Variants in TMEM41B observed in about 807,000 individuals in gnomAD.
TMEM41B encodes transmembrane protein 41B.
A neutral mutation model predicts 31.9 loss-of-function variants in TMEM41B; 18 were observed. The observed-to-expected ratio is 0.56, with a 90% confidence interval of 0.39 to 0.84. The LOEUF is 0.84. Ranked by LOEUF, TMEM41B falls within the 40% of genes least tolerant of loss-of-function variation. TMEM41B has a pLI of 0.00. For missense variants in TMEM41B, 322 were observed against 348.0 expected (o/e 0.93, Z 0.59); for synonymous variants, 144 against 124.3 (o/e 1.16, Z -1.05).
chr11:9,284,510 C>A (rs1316069744), intron 6 of TMEM41B, among the ~76,000 whole-genome samples: 1 of 152,100 alleles, frequency 6.6e-6, no homozygotes, highest in African/African-American at 2.4e-5. Context: ...TACGTGTAAT[C>A]CCAGCACCCT....
intron 6 of TMEM41B, among the ~76,000 whole-genome samples, chr11:9,284,666 G>A (rs942851396): frequency 6.6e-6 from 1 of 151,936 alleles, no homozygotes; most frequent in Non-Finnish European, 1.5e-5. Context: ...GGGAGGCTGA[G>A]GCAAAAGAAT....
intron 2 of TMEM41B, among the ~76,000 whole-genome samples, chr11:9,298,431 C>T (rs1275398519): frequency 6.7e-6 from 1 of 148,462 alleles, no homozygotes; most frequent in East Asian, 2.0e-4. Flanking sequence ...TGCACTCCAG[C>T]CTGGGCAACT....
intron 1 of TMEM41B, among the ~76,000 whole-genome samples, chr11:9,309,525 C>CTTTTTTTTTTTTTTTTTTTTTTTT (rs1554945200): frequency 6.7e-6 from 1 of 150,030 alleles, no homozygotes; most frequent in Non-Finnish European, 1.5e-5. Flanking sequence ...GAGCTTCCTT[C>CTTTTTTTTTTTTTTTTTTTTTTTT]TTTCTGTAAG....
Position 9,299,844 on chromosome 11 carries a change from G to A in TMEM41B, c.122-143C>T, listed in dbSNP as rs530485472. The A allele has an allele frequency of 3.5e-4, 227 of 657,296 alleles. 4 individuals carry two copies. In the South Asian group the frequency reaches 3.7e-3, roughly 11 times the overall value. The allele number at this position is 657,296 out of a possible 1,614,324, so 40.7% of individuals were successfully genotyped here. ...ACATTAAATTTAAGCACTGGGCCGG[G>A]CACAGTGACTCACGCCTGTAATCCC... On this transcript the variant is annotated intron_variant, in intron 1 of 6. Transcript: ENST00000528080.
At chr11:9,313,354 T>C (rs1009404660) in intron 1 of TMEM41B, among the ~76,000 whole-genome samples, 1 of 152,226 alleles carries the variant, frequency 6.6e-6, no homozygotes, top group Admixed American at 6.5e-5. Flanking sequence ...CTACATACTC[T>C]TAGAAGTTCT....
chr11:9,305,420 G>A (rs1703825056), intron 1 of TMEM41B, among the ~76,000 whole-genome samples: 1 of 152,110 alleles, frequency 6.6e-6, no homozygotes, highest in Non-Finnish European at 1.5e-5. Context: ...CCAACATAGT[G>A]AAACCCTGTC....
chr11:9,288,427 T>A lies in TMEM41B; in HGVS notation c.462+15A>T, dbSNP rs755628640. The A allele has an allele frequency of 1.3e-6, 2 of 1,542,800 alleles. No individual in the cohort carries two copies. The highest frequency in any genetic ancestry group is 1.8e-6 in the Non-Finnish European group (2 of 1,140,932). On this transcript the variant is annotated intron_variant, in intron 4 of 6. Transcript: ENST00000528080. ...TTGTTTTTTCAGTCTCCCAATTTTA[T>A]TTTTTCATACTTACCAAACAAACAA...
At position 9,285,981 on chromosome 11, in the gene TMEM41B, G is replaced by A. The variant is rs1852828336; in HGVS notation, c.706+474C>T. Among the ~76,000 whole-genome samples the A allele has an allele frequency of 2.0e-5, 3 of 151,780 alleles. No individual in the cohort carries two copies. In the South Asian group the frequency reaches 6.2e-4, roughly 31 times the overall value. The stretch of plus-strand genomic sequence containing the variant: ...AATACAAAAATTAGCCAGACGTGGT[G>A]GCGTGTGCCTGCAGTACCAGCTCCT... On this transcript the variant is annotated intron_variant, in intron 6 of 6. Coordinates refer to ENST00000528080, the MANE Select transcript of TMEM41B (RefSeq NM_015012.4).
At chr11:9,300,821 T>C (rs1444987285) in intron 1 of TMEM41B, among the ~76,000 whole-genome samples, 2 of 151,240 alleles carry the variant, frequency 1.3e-5, no homozygotes, top group East Asian at 3.9e-4. Flanking sequence ...GAGCTTGCAG[T>C]GTGCTGAGAT....
chr11:9,302,008 T>G (rs1853273320), intron 1 of TMEM41B, among the ~76,000 whole-genome samples: 2 of 40,206 alleles, frequency 5.0e-5, no homozygotes, highest in African/African-American at 8.5e-5. Context: ...TTTTTCTCGG[T>G]TTTTTTTTTT....
intron 5 of TMEM41B, among the ~76,000 whole-genome samples, chr11:9,287,190 C>T (rs1264884381): frequency 1.3e-5 from 2 of 151,778 alleles, no homozygotes; most frequent in South Asian, 2.1e-4. Flanking sequence ...ACCTATAATC[C>T]CAGCTACTTG....
At chr11:9,283,855 G>A (rs894825039) in intron 6 of TMEM41B, among the ~76,000 whole-genome samples, 26 of 151,670 alleles carry the variant, frequency 1.7e-4, no homozygotes, top group African/African-American at 6.1e-4. Flanking sequence ...CGCGATCTTG[G>A]CTCACTGCAA....
intron 2 of TMEM41B, among the ~76,000 whole-genome samples, chr11:9,296,083 C>G (rs1853078538): frequency 6.6e-6 from 1 of 151,686 alleles, no homozygotes; most frequent in Admixed American, 6.6e-5. Flanking sequence ...TCTCAAATTC[C>G]TGACCTTAGG....
At position 9,281,359 on chromosome 11, in the gene TMEM41B, T is replaced by C. The variant is rs185282218; in HGVS notation, c.*2065A>G. 6.6e-6 allele frequency: 1 copy of C among 152,262 alleles called. No individual in the cohort carries two copies. Among genetic ancestry groups the C allele is most frequent in the Admixed American group, 6.5e-5 (1 of 15,288 alleles). The allele number at this position is 152,262 out of a possible 1,614,324, so 9.4% of individuals were successfully genotyped here. On this transcript the variant is annotated 3_prime_UTR_variant, in exon 7 of 7. Transcript: ENST00000528080. ...AAGCCTTGCTAGAAATAATAAATAA[T>C]CTCACGCAAAAGGCCAGGTGACATA...
At chr11:9,301,948 T>C (rs1212185419) in intron 1 of TMEM41B, among the ~76,000 whole-genome samples, 1 of 151,654 alleles carries the variant, frequency 6.6e-6, no homozygotes, top group Non-Finnish European at 1.5e-5. Flanking sequence ...CCCCAATGCC[T>C]AGCTCTATTT....
chr11:9,296,454 C>T (rs866740697), intron 2 of TMEM41B, among the ~76,000 whole-genome samples: 9 of 151,658 alleles, frequency 5.9e-5, no homozygotes, highest in African/African-American at 2.2e-4. Context: ...GTTGAAACCC[C>T]GTCTCTACTA....
At chr11:9,310,452 T>TA (rs548741836) in intron 1 of TMEM41B, among the ~76,000 whole-genome samples, 30 of 151,452 alleles carry the variant, frequency 2.0e-4, no homozygotes, top group African/African-American at 5.6e-4. Flanking sequence ...CCATTTTTTT[T>TA]AAAAAAATGC....
chr11:9,299,033 C>T (rs547922164), intron 2 of TMEM41B, among the ~76,000 whole-genome samples: 11 of 151,968 alleles, frequency 7.2e-5, no homozygotes, highest in African/African-American at 2.7e-4. Flanking sequence ...ATAATCCCAG[C>T]ACTTTGGGAG....
chr11:9,311,006 GTCT>G (rs1049621717), intron 1 of TMEM41B, among the ~76,000 whole-genome samples: 7 of 152,120 alleles, frequency 4.6e-5, no homozygotes, highest in Non-Finnish European at 1.0e-4. Flanking sequence ...TCTCAAACTT[GTCT>G]TCAACATTTA....
Sources: allele counts gnomAD v4.1 joint callset (sites outside exome capture counted in the v4.1 genomes callset), GRCh38; gene constraint gnomAD v4.1.1; transcripts MANE v1.5; gene names NCBI Gene and HGNC (gene_info 2026-07-23, HGNC 2026-07-21).